NRDC: variants seen among roughly 807,000 people sequenced by gnomAD.
NRDC encodes the protein nardilysin.
NRDC carries 54 observed loss-of-function variants against 147.1 expected under a neutral mutation model. That is an observed-to-expected ratio of 0.37 (90% confidence interval 0.29 to 0.46). The LOEUF is 0.46. Among genes scored for constraint, NRDC ranks in the 20% least tolerant of loss-of-function variants. The probability of loss-of-function intolerance (pLI) is 1.00; values close to 1 mark genes in which losing one functional copy is unlikely to be tolerated. For missense variants in NRDC, 1,082 were observed against 1,370.6 expected, an observed-to-expected ratio of 0.79 and a Z score of 3.33; for synonymous variants, 440 against 482.1, an observed-to-expected ratio of 0.91 and a Z score of 1.14.
At position 51,848,543 on chromosome 1, in the gene NRDC, C is replaced by T. The variant is rs150944142; in HGVS notation, c.342-8029G>A. The stretch of plus-strand genomic sequence containing the variant: ...AAAGCTAAAACAAATCACTGCAAAA[C>T]ATATTATTACCTAGAACAAGAGAAT... On this transcript the variant is annotated intron_variant, in intron 1 of 30. Transcript: ENST00000352171. Among the ~76,000 whole-genome samples the T allele has an allele frequency of 5.3e-5, 8 of 152,152 alleles. No individual in the cohort carries two copies. In the East Asian group the frequency reaches 1.5e-3, roughly 29 times the overall value.
At chr1:51,873,013 T>C (rs1683155413) in intron 1 of NRDC, among the ~76,000 whole-genome samples, 1 of 152,148 alleles carries the variant, frequency 6.6e-6, no homozygotes, top group Admixed American at 6.5e-5. Context: ...CTGTGAGATT[T>C]TGTGATCATT....
chr1:51,795,162 G>A, intron 22 of NRDC: 2 of 1,363,154 alleles, frequency 1.5e-6, no homozygotes, highest in Non-Finnish European at 1.9e-6. Flanking sequence ...TGGCCTTTAT[G>A]ACAACATGGA....
intron 1 of NRDC, among the ~76,000 whole-genome samples, chr1:51,846,751 G>A (rs770592098): frequency 6.6e-6 from 1 of 152,230 alleles, no homozygotes; most frequent in African/African-American, 2.4e-5. Flanking sequence ...TATCACCCCA[G>A]GAGCCTGCAG....
intron 1 of NRDC, among the ~76,000 whole-genome samples, chr1:51,851,087 G>A (rs573616099): frequency 2.0e-4 from 31 of 152,098 alleles, no homozygotes; most frequent in Admixed American, 4.6e-4. Context: ...TTTATTCAGG[G>A]ACAGATCCGT....
chr1:51,870,803 TTACTAA>T (rs1051586401), intron 1 of NRDC, among the ~76,000 whole-genome samples: 4 of 147,888 alleles, frequency 2.7e-5, no homozygotes, highest in African/African-American at 7.3e-5. Context: ...TAATTAATAA[TTACTAA>T]TACTGACAGT....
At chr1:51,846,059 GTA>G (rs369288962) in intron 1 of NRDC, among the ~76,000 whole-genome samples, 103 of 151,762 alleles carry the variant, frequency 6.8e-4, no homozygotes, top group African/African-American at 2.3e-3. Flanking sequence ...GAATGGTAAT[GTA>G]TATATCTGGG....
intron 14 of NRDC, among the ~76,000 whole-genome samples, chr1:51,813,104 C>T (rs987894699): frequency 1.3e-5 from 2 of 152,050 alleles, no homozygotes; most frequent in South Asian, 4.1e-4. Flanking sequence ...CAGCAAGACC[C>T]TGTCTCTAAT....
chr1:51,805,553 G>A lies in NRDC; in HGVS notation c.2119C>T (p.Arg707Cys), dbSNP rs1316440272. ...ATCAACGGTGAAATTAGATGGAAACGTATATATGCTAAAAGAAAAAAGACC... is the reference window on the plus strand; with the variant it reads ...ATCAACGGTGAAATTAGATGGAAACATATATATGCTAAAAGAAAAAAGACC... ...NKFKIPKAYI[R>C]FHLISPLIQK... The change falls in exon 19 of 31, where the codon CGT (arginine) becomes TGT (cysteine). Residue 707 changes from arginine (R) to cysteine (C), a missense_variant. Physicochemically the swap from Arg to Cys is radical, Grantham distance 180. Coordinates refer to ENST00000352171, the MANE Select transcript of NRDC (RefSeq NM_001101662.2). The A allele has an allele frequency of 2.5e-6, 4 of 1,578,524 alleles. No homozygotes were observed. The highest frequency in any genetic ancestry group is 1.4e-5 in the African/African-American group (1 of 72,520).
chr1:51,818,141 CA>C lies in NRDC; in HGVS notation c.1292-7del. ...AATTTTTCTGATTGGAACAACTAAA[CA>C]AAAATATTTTCCAGAAGAACAGATG... On this transcript the variant is annotated splice_region_variant and splice_polypyrimidine_tract_variant and intron_variant, in intron 9 of 30. Transcript: ENST00000352171. The C allele has an allele frequency of 6.3e-7, 1 of 1,589,492 alleles. No individual in the cohort carries two copies. Among genetic ancestry groups the C allele is most frequent in the Non-Finnish European group, 8.5e-7 (1 of 1,170,050 alleles).
chr1:51,800,291 A>C (rs1679131108), intron 21 of NRDC, among the ~76,000 whole-genome samples: 1 of 152,208 alleles, frequency 6.6e-6, no homozygotes, highest in South Asian at 2.1e-4. Context: ...GCACTTCTTT[A>C]ACATTCAGGT....
chr1:51,828,440 C>A (rs1680542804), intron 4 of NRDC, among the ~76,000 whole-genome samples: 1 of 151,924 alleles, frequency 6.6e-6, no homozygotes, highest in South Asian at 2.1e-4. Context: ...TAGTTCAATG[C>A]AAGTTTACAG....
chr1:51,798,191 G>A (rs1421106301), intron 22 of NRDC, 58 bp downstream of exon 22: 23 of 1,543,934 alleles, frequency 1.5e-5, no homozygotes, highest in East Asian at 4.5e-5. Flanking sequence ...AAGAACTATG[G>A]CAATTCCAGA....
At chr1:51,816,147 A>C in intron 11 of NRDC, 165 bp downstream of exon 11, 1 of 363,378 alleles carries the variant, frequency 2.8e-6, no homozygotes, top group Non-Finnish European at 5.0e-6. Context: ...CAAATATAAT[A>C]TGGCCATTAA....
chr1:51,826,170 T>C (rs1557914163), intron 5 of NRDC, among the ~76,000 whole-genome samples: 1 of 152,206 alleles, frequency 6.6e-6, no homozygotes, highest in Non-Finnish European at 1.5e-5. Flanking sequence ...TGGGATTCCA[T>C]TATGGCAGCC....
In NRDC at chr1:51,789,271, GTGT is replaced by G; in HGVS notation, c.3418_3420del (p.Thr1140del). 1.2e-6 allele frequency: 2 copies of G among 1,614,150 alleles called. No homozygotes were observed. Among genetic ancestry groups the G allele is most frequent in the Non-Finnish European group, 1.7e-6 (2 of 1,179,992 alleles). Reference sequence around the variant, plus strand: ...ATTTTATGGTAGGGGAGAAGGTTGAGTGTTGTTGTGAAAGCCCTGATATCAGTA... The same window carrying G: ...ATTTTATGGTAGGGGAGAAGGTTGAGTGTTGTGAAAGCCCTGATATCAGTA... On this transcript the variant is annotated inframe_deletion, in exon 31 of 31. Transcript: ENST00000352171.
intron 19 of NRDC, among the ~76,000 whole-genome samples, chr1:51,804,543 G>A (rs1245913628): frequency 1.3e-4 from 20 of 150,498 alleles, no homozygotes; most frequent in African/African-American, 4.9e-4. Flanking sequence ...CATTTCCCAA[G>A]TATCTCCTAC....
intron 11 of NRDC, 69 bp downstream of exon 11, chr1:51,816,243 T>C (rs976488153): frequency 3.0e-6 from 3 of 984,830 alleles, no homozygotes; most frequent in Non-Finnish European, 4.5e-6. Flanking sequence ...GAATGCATTA[T>C]ATAATACTTA....
intron 1 of NRDC, among the ~76,000 whole-genome samples, chr1:51,852,979 T>G (rs1186914917): frequency 6.6e-6 from 1 of 151,978 alleles, no homozygotes; most frequent in African/African-American, 2.4e-5. Context: ...ATCCCAGCAC[T>G]TTGGGAGGCC....
intron 14 of NRDC, among the ~76,000 whole-genome samples, chr1:51,812,611 G>A (rs931747008): frequency 6.6e-6 from 1 of 151,980 alleles, no homozygotes; most frequent in Non-Finnish European, 1.5e-5. Context: ...ATCACTCTGA[G>A]CCCTATAACC....
Sources: allele counts gnomAD v4.1 joint callset (sites outside exome capture counted in the v4.1 genomes callset), GRCh38; gene constraint gnomAD v4.1.1; transcripts MANE v1.5; gene names NCBI Gene and HGNC (gene_info 2026-07-23, HGNC 2026-07-21).